Variants in EYA1 observed in about 807,000 individuals in gnomAD.
EYA1 encodes protein phosphatase EYA1.
Under a neutral mutation model 82.0 loss-of-function variants are expected in EYA1, and 16 were observed. The observed-to-expected ratio is 0.20, with a 90% confidence interval of 0.13 to 0.30. The LOEUF is 0.30. Ranked by LOEUF, EYA1 falls within the 10% of genes least tolerant of loss-of-function variation. EYA1 has a pLI of 1.00. For synonymous variants in EYA1, 261 were observed against 264.4 expected, an observed-to-expected ratio of 0.99 and a Z score of 0.12; for missense variants, 633 against 730.7, an observed-to-expected ratio of 0.87 and a Z score of 1.54.
chr8:71,342,042 C>T (rs979962143), intron 3 of EYA1, among the ~76,000 whole-genome samples: 1 of 152,142 alleles, frequency 6.6e-6, no homozygotes, highest in African/African-American at 2.4e-5. Flanking sequence ...TTTTGCAACT[C>T]ATTCTTCCAC....
chr8:71,334,624 C>T (rs1436423506), intron 3 of EYA1, among the ~76,000 whole-genome samples: 1 of 152,074 alleles, frequency 6.6e-6, no homozygotes, highest in Non-Finnish European at 1.5e-5. Flanking sequence ...TGCTCAAGGG[C>T]AAGGTCTCCC....
intron 2 of EYA1, among the ~76,000 whole-genome samples, chr8:71,522,161 A>T (rs1315022670): frequency 6.6e-6 from 1 of 152,206 alleles, no homozygotes; most frequent in Admixed American, 6.5e-5. Flanking sequence ...ATTATATGCT[A>T]AACCCAAAGG....
chr8:71,292,476 G>A (rs2128989436), intron 9 of EYA1, among the ~76,000 whole-genome samples: 1 of 152,080 alleles, frequency 6.6e-6, no homozygotes, highest in Middle Eastern at 3.4e-3. Context: ...AGTTGGTTCT[G>A]ATCAAAATTT....
At chr8:71,223,834 T>C (rs925601404) in intron 12 of EYA1, among the ~76,000 whole-genome samples, 2 of 152,186 alleles carry the variant, frequency 1.3e-5, no homozygotes, top group African/African-American at 2.4e-5. Context: ...ATGCAAAATA[T>C]TAAGTTATGG....
chr8:71,313,539 T>C (rs935731268), intron 7 of EYA1, among the ~76,000 whole-genome samples: 3 of 152,196 alleles, frequency 2.0e-5, no homozygotes, highest in African/African-American at 7.2e-5. Context: ...ACAACAATCA[T>C]TTGAGTTCTT....
At chr8:71,433,009 C>T (rs899450917) in intron 2 of EYA1, among the ~76,000 whole-genome samples, 2 of 152,150 alleles carry the variant, frequency 1.3e-5, no homozygotes, top group Non-Finnish European at 2.9e-5. Context: ...CATACCTTCT[C>T]TGTTTCAGGA....
chr8:71,200,963 T>G (rs1806921002), intron 17 of EYA1, among the ~76,000 whole-genome samples: 1 of 146,714 alleles, frequency 6.8e-6, no homozygotes, highest in Non-Finnish European at 1.5e-5. Flanking sequence ...AACACTCTGA[T>G]GGTTATGTGC....
chr8:71,225,595 TCTAAA>T (rs1810460405), intron 12 of EYA1, among the ~76,000 whole-genome samples: 1 of 152,198 alleles, frequency 6.6e-6, no homozygotes, highest in African/African-American at 2.4e-5. Flanking sequence ...TAATTCCCAC[TCTAAA>T]CTATCTACTC....
At chr8:71,331,516 A>T (rs567264416) in intron 4 of EYA1, among the ~76,000 whole-genome samples, 8 of 148,218 alleles carry the variant, frequency 5.4e-5, no homozygotes, top group African/African-American at 2.0e-4. Context: ...CATATATATA[A>T]TGTAAAAATT....
intron 11 of EYA1, among the ~76,000 whole-genome samples, chr8:71,268,582 G>A (rs1376861463): frequency 6.6e-6 from 1 of 152,038 alleles, no homozygotes; most frequent in African/African-American, 2.4e-5. Context: ...CATTTTTGTT[G>A]TCTTCTTATA....
At chr8:71,216,399 C>A (rs942061275) in intron 14 of EYA1, among the ~76,000 whole-genome samples, 1 of 152,138 alleles carries the variant, frequency 6.6e-6, no homozygotes, top group Non-Finnish European at 1.5e-5. Flanking sequence ...GCTAATTCTT[C>A]GAAGGATGCT....
At chr8:71,267,560 T>G (rs370864021) in intron 11 of EYA1, among the ~76,000 whole-genome samples, 6 of 152,192 alleles carry the variant, frequency 3.9e-5, no homozygotes, top group African/African-American at 1.4e-4. Flanking sequence ...AAACTTTTGT[T>G]TTTTTTGAGA....
At chr8:71,332,936 A>G (rs1230337674) in intron 4 of EYA1, among the ~76,000 whole-genome samples, 4 of 152,028 alleles carry the variant, frequency 2.6e-5, no homozygotes, top group Admixed American at 2.6e-4. Flanking sequence ...ATTTTTTAAG[A>G]CTGAGCATCC....
chr8:71,307,040 G>A (rs552181384), intron 7 of EYA1, among the ~76,000 whole-genome samples: 1 of 152,276 alleles, frequency 6.6e-6, no homozygotes, highest in East Asian at 1.9e-4. Context: ...AGGATTTAGT[G>A]AGAACACGAT....
At chr8:71,506,311 T>G (rs1436449656) in intron 2 of EYA1, among the ~76,000 whole-genome samples, 1 of 152,198 alleles carries the variant, frequency 6.6e-6, no homozygotes, top group Non-Finnish European at 1.5e-5. Flanking sequence ...CTCTCAAAGG[T>G]TTGCCAAGGA....
At chr8:71,430,456 T>C (rs1012642536) in intron 2 of EYA1, among the ~76,000 whole-genome samples, 1 of 151,762 alleles carries the variant, frequency 6.6e-6, no homozygotes, top group African/African-American at 2.4e-5. Flanking sequence ...GACAATAGAG[T>C]AAATTAGGAA....
chr8:71,428,465 A>T (rs1487891834), intron 2 of EYA1, among the ~76,000 whole-genome samples: 1 of 152,230 alleles, frequency 6.6e-6, no homozygotes, highest in East Asian at 1.9e-4. Context: ...AAAATACATG[A>T]ATAAGATCAA....
chr8:71,436,662 T>G (rs1806037146), intron 2 of EYA1, among the ~76,000 whole-genome samples: 1 of 152,132 alleles, frequency 6.6e-6, no homozygotes, highest in Non-Finnish European at 1.5e-5. Flanking sequence ...TCAGAGAGAT[T>G]TTCTAAAAGC....
At chr8:71,504,788 T>G (rs1812065786) in intron 2 of EYA1, among the ~76,000 whole-genome samples, 1 of 152,088 alleles carries the variant, frequency 6.6e-6, no homozygotes, top group Admixed American at 6.6e-5. Context: ...GACTGCTTTT[T>G]GCTGTTGTTT....
Sources: gnomAD v4.1 joint callset for allele counts (sites outside exome capture counted in the v4.1 genomes callset) on GRCh38, gnomAD v4.1.1 for gene constraint, MANE v1.5 for transcripts, NCBI Gene and HGNC (gene_info 2026-07-23, HGNC 2026-07-21) for gene names.